Variants in TOGARAM2 observed in about 807,000 individuals in gnomAD.
The protein encoded by TOGARAM2 is TOG array regulator of axonemal microtubules protein 2.
Under a neutral mutation model 93.3 loss-of-function variants are expected in TOGARAM2, and 85 were observed. That is an observed-to-expected ratio of 0.91 (90% CI 0.76 to 1.09). TOGARAM2 has a LOEUF of 1.09. Ranked by LOEUF, TOGARAM2 falls within the 50% of genes least tolerant of loss-of-function variation. The pLI is 0.00. For synonymous variants in TOGARAM2, 593 were observed against 552.8 expected (o/e 1.07, Z -1.02); for missense variants, 1,277 against 1,334.5 (o/e 0.96, Z 0.67).
chr2:29,043,118 G>GAAAT (rs1666533058), intron 18 of TOGARAM2, among the ~76,000 whole-genome samples: 1 of 152,190 alleles, frequency 6.6e-6, no homozygotes, highest in African/African-American at 2.4e-5. Flanking sequence ...ACAAACAGGT[G>GAAAT]CCATTCATAT....
chr2:28,998,248 G>A lies in TOGARAM2; in HGVS notation c.134G>A (p.Gly45Glu). Residue 45 changes from glycine to glutamate, a missense_variant, in exon 3 of 20, where the codon GGA (glycine) becomes GAA (glutamate). By Grantham distance (98) the Gly-to-Glu change is moderately conservative. Coordinates refer to ENST00000379558, the MANE Select transcript of TOGARAM2 (RefSeq NM_199280.4). ...PGSINSSLPHGEGSLQPEPRA... is the reference protein window; with the variant it reads ...PGSINSSLPHEEGSLQPEPRA... ...AGCATCAACTCCAGTCTGCCTCATG[G>A]AGAAGGTGAGATGGGAAGACCTCAC... 1.9e-6 allele frequency: 3 copies of A among 1,609,612 alleles called. 1 individual carries two copies. The South Asian group carries it at 3.3e-5, about 18-fold the overall frequency.
At chr2:28,958,903 A>G (rs1014564170) in intron 1 of TOGARAM2, among the ~76,000 whole-genome samples, 1 of 152,110 alleles carries the variant, frequency 6.6e-6, no homozygotes, top group African/African-American at 2.4e-5. Context: ...GAGGGTGGGG[A>G]TGTGAGCTTT....
intron 1 of TOGARAM2, among the ~76,000 whole-genome samples, chr2:28,970,715 T>C (rs1671937931): frequency 6.6e-6 from 1 of 152,222 alleles, no homozygotes; most frequent in African/African-American, 2.4e-5. Flanking sequence ...GCGCCCACTC[T>C]ATTGGCTGAC....
At chr2:29,024,738 G>A (rs1401026270) in intron 13 of TOGARAM2, among the ~76,000 whole-genome samples, 2 of 152,212 alleles carry the variant, frequency 1.3e-5, no homozygotes, top group African/African-American at 2.4e-5. Flanking sequence ...AGGCTGGGGA[G>A]CACACCGTGG....
intron 1 of TOGARAM2, among the ~76,000 whole-genome samples, chr2:28,957,118 C>G (rs1339724540): frequency 6.6e-6 from 1 of 151,680 alleles, no homozygotes; most frequent in Non-Finnish European, 1.5e-5. Context: ...AAACAAAAAA[C>G]AAAAAACGAA....
At chr2:29,030,853 A>C (rs184501175) in intron 14 of TOGARAM2, among the ~76,000 whole-genome samples, 2 of 152,082 alleles carry the variant, frequency 1.3e-5, no homozygotes, top group African/African-American at 4.8e-5. Context: ...ATCAGTCCCC[A>C]TTTCTAAAGC....
intron 19 of TOGARAM2, chr2:29,048,541 G>A (rs962763900): frequency 2.0e-5 from 3 of 152,090 alleles, no homozygotes; most frequent in African/African-American, 7.2e-5. Flanking sequence ...ACTACTTTCT[G>A]TCTCTACGAT....
At chr2:28,987,801 G>T (rs1481785162) in intron 1 of TOGARAM2, among the ~76,000 whole-genome samples, 4 of 152,244 alleles carry the variant, frequency 2.6e-5, no homozygotes, top group African/African-American at 9.6e-5. Context: ...AGTGGTGGTA[G>T]ACCCAGAGCT....
rs570290409 is a variant in TOGARAM2 at position 29,036,564 on chromosome 2, G to C, written c.2442G>C (p.Arg814Ser). The change falls in exon 18 of 20, where the codon AGG becomes AGC. Residue 814 changes from arginine to serine, a missense_variant. By Grantham distance (110) the Arg-to-Ser change is moderately radical. Coordinates refer to ENST00000379558, the MANE Select transcript of TOGARAM2 (RefSeq NM_199280.4). ...AGGTCTTTGATGCTTTCACCCCAAG[G>C]CTTCAGGATTCCAACAAGAAAGTGA... ...LVQVFDAFTP[R>S]LQDSNKKVNQ... is the part of the protein sequence containing the mutation. The C allele has an allele frequency of 6.2e-6, 10 of 1,613,834 alleles. No individual in the cohort carries two copies. The highest frequency in any genetic ancestry group is 2.2e-5 in the East Asian group (1 of 44,890).
rs564025847 is a variant in TOGARAM2 at position 29,029,735 on chromosome 2, G to A, written c.2012+2724G>A. The stretch of plus-strand genomic sequence containing the variant: ...CGCGCCACTGCACTCCAGCCTGGGC[G>A]ACAGAACAAGGCTCTGTCTAAAAAA... On this transcript the variant is annotated intron_variant, in intron 14 of 19. Transcript: ENST00000379558. Among the ~76,000 whole-genome samples the A allele has an allele frequency of 1.3e-4, 18 of 138,020 alleles. 1 individual carries two copies. The East Asian group carries it at 2.2e-3, about 17-fold the overall frequency. The allele number at this position is 138,020 out of a possible 152,430, so 90.5% of individuals were successfully genotyped here. A position where few individuals can be genotyped will look rare whatever the true frequency, so the allele number is the denominator to read the frequency against.
At chr2:29,026,084 C>G (rs1665338822) in intron 13 of TOGARAM2, among the ~76,000 whole-genome samples, 1 of 152,178 alleles carries the variant, frequency 6.6e-6, no homozygotes, top group Admixed American at 6.5e-5. Flanking sequence ...TCCTTCAGCT[C>G]TAGTCCCATC....
At chr2:28,999,512 G>A in intron 4 of TOGARAM2, 44 bp downstream of exon 4, 2 of 1,532,036 alleles carry the variant, frequency 1.3e-6, no homozygotes, top group Non-Finnish European at 1.8e-6. Flanking sequence ...CCACTTCCAG[G>A]TCAAGGGCCG....
In TOGARAM2 at chr2:28,989,898, A is replaced by G. The variant is rs73922928; in HGVS notation, c.-110-4827A>G. Among the ~76,000 whole-genome samples the G allele has an allele frequency of 8.2e-3, 1,242 of 152,348 alleles. 23 individuals carry two copies. The highest frequency in any genetic ancestry group is 0.029 in the African/African-American group (1,188 of 41,572). The stretch of plus-strand genomic sequence containing the variant: ...ACACAGCTTGCAGGTGCTGGATTTT[A>G]GTCTTATTCCCCTTCATATCTTAGT... On this transcript the variant is annotated intron_variant, in intron 1 of 19. Coordinates refer to ENST00000379558, the MANE Select transcript of TOGARAM2 (RefSeq NM_199280.4).
At position 29,010,411 on chromosome 2, in the gene TOGARAM2, G is replaced by C. The variant is rs1664169600; in HGVS notation, c.831-1044G>C. ...CAAGAGGCTGGGCCTGGCCCTGGGA[G>C]CAATGGCGAATCCCGGCTGATCTAC... On this transcript the variant is annotated intron_variant, in intron 6 of 19. Coordinates refer to ENST00000379558, the MANE Select transcript of TOGARAM2 (RefSeq NM_199280.4). Among the ~76,000 whole-genome samples the C allele has an allele frequency of 2.0e-5, 3 of 152,224 alleles. No homozygotes were observed. In the South Asian group the frequency reaches 6.2e-4, roughly 32 times the overall value.
rs1209096123 is a variant in TOGARAM2 at position 28,994,808 on chromosome 2, C to A, written c.-27C>A. The stretch of plus-strand genomic sequence containing the variant: ...GAAATAGCTGCTGCCTCTGGGCAAC[C>A]TTGTAGGCACCTTCTCCACCCAGGA... On this transcript the variant is annotated 5_prime_UTR_variant, in exon 2 of 20. Transcript: ENST00000379558. 7.7e-6 allele frequency: 12 copies of A among 1,551,762 alleles called. No homozygotes were observed. In the Admixed American group the frequency reaches 1.2e-4, roughly 15 times the overall value.
intron 6 of TOGARAM2, among the ~76,000 whole-genome samples, chr2:29,008,958 T>G (rs1308872591): frequency 6.6e-6 from 1 of 152,190 alleles, no homozygotes. Context: ...CTCTAGCCAA[T>G]GGAGGGGATG....
At position 28,998,045 on chromosome 2, in the gene TOGARAM2, G is replaced by A. The variant is rs1323651566; in HGVS notation, c.29-98G>A. 3 of 770,668 alleles carry A rather than the reference G, an allele frequency of 3.9e-6. No homozygotes were observed. In the African/African-American group the frequency reaches 5.4e-5, roughly 14 times the overall value. The allele number at this position is 770,668 out of a possible 1,614,324, so 47.7% of individuals were successfully genotyped here. A position where few individuals can be genotyped will look rare whatever the true frequency, so the allele number is the denominator to read the frequency against. On this transcript the variant is annotated intron_variant, in intron 2 of 19. Transcript: ENST00000379558. ...GTTTTTTGGGCAGGGACCCTGCGGG[G>A]TGGAGTGCTCAGGGTTACGGCCGGG...
rs116804976 is a variant in TOGARAM2, at chr2:28,975,768, G to T, written c.-146-18957G>T. ...TCTTTTTTTGCAGGGCATTTATCCT[G>T]TTTAGGTCTAGCACACAGATCTAGG... On this transcript the variant is annotated intron_variant, in intron 1 of 6. Coordinates refer to the TOGARAM2 transcript ENST00000401723. Among the ~76,000 whole-genome samples the T allele has an allele frequency of 8.8e-3, 1,333 of 152,106 alleles. 8 individuals are homozygous for T. The highest frequency in any genetic ancestry group is 0.015 in the Non-Finnish European group (996 of 68,008).
intron 14 of TOGARAM2, 135 bp downstream of exon 14, chr2:29,027,146 C>T: frequency 1.1e-6 from 1 of 937,670 alleles, no homozygotes; most frequent in Non-Finnish European, 1.5e-6. Context: ...ATGTCCTTTC[C>T]TTTCAGCTCT....
Sources: allele counts gnomAD v4.1 joint callset (sites outside exome capture counted in the v4.1 genomes callset), GRCh38; gene constraint gnomAD v4.1.1; transcripts MANE v1.5; gene names NCBI Gene and HGNC (gene_info 2026-07-23, HGNC 2026-07-21).